ZNF638: variants seen among roughly 807,000 people sequenced by gnomAD.
The protein encoded by ZNF638 is zinc finger protein 638, also known as CTCL tumor antigen se33-1.
A neutral mutation model predicts 195.6 loss-of-function variants in ZNF638; 46 were observed. The observed-to-expected ratio is 0.24, with a 90% CI of 0.19 to 0.30. ZNF638 has a LOEUF of 0.30. Among genes scored for constraint, ZNF638 ranks in the 10% least tolerant of loss-of-function variants. The pLI is 1.00. For synonymous variants in ZNF638, 845 were observed against 772.0 expected, an observed-to-expected ratio of 1.09 and a Z score of -1.57; for missense variants, 2,440 against 2,325.3, an observed-to-expected ratio of 1.05 and a Z score of -1.01.
chr2:71,422,994 T>C lies in ZNF638; in HGVS notation c.3480T>C (p.Phe1160=), dbSNP rs1438648781. 6.2e-7 allele frequency: 1 copy of C among 1,614,008 alleles called. No individual in the cohort carries two copies. Among genetic ancestry groups the C allele is most frequent in the East Asian group, 2.2e-5 (1 of 44,880 alleles). ...EAEKATCDSD[F]AVETLELETQ... is the part of the protein sequence containing the mutation. ...AAAAAGCAACATGTGATTCTGACTT[T>C]GCTGTTGAAACTTTGGAGCTTGAAA... is the stretch of plus-strand genomic sequence containing the variant. Residue 1160 remains phenylalanine (F), a synonymous_variant, in exon 22 of 28, where the codon TTT becomes TTC. Transcript: ENST00000264447.
At chr2:71,398,272 C>G (rs2079936352) in intron 11 of ZNF638, among the ~76,000 whole-genome samples, 1 of 151,984 alleles carries the variant, frequency 6.6e-6, no homozygotes, top group African/African-American at 2.4e-5. Flanking sequence ...ACGTGAAATT[C>G]ATTTATGTTT....
intron 1 of ZNF638, among the ~76,000 whole-genome samples, chr2:71,333,762 C>T (rs1238237304): frequency 6.6e-6 from 1 of 152,114 alleles, no homozygotes; most frequent in Non-Finnish European, 1.5e-5. Context: ...GCTTTTGTTT[C>T]CTTATCTCTA....
At chr2:71,369,612 G>A (rs1040299182) in intron 7 of ZNF638, among the ~76,000 whole-genome samples, 1 of 152,086 alleles carries the variant, frequency 6.6e-6, no homozygotes, top group African/African-American at 2.4e-5. Flanking sequence ...AGTGAGCCCT[G>A]CCTTCTCATT....
intron 21 of ZNF638, among the ~76,000 whole-genome samples, chr2:71,419,958 T>TCTCC (rs2080390537): frequency 1.1e-4 from 3 of 26,574 alleles, no homozygotes; most frequent in African/African-American, 1.1e-4. Flanking sequence ...ACTTCTTAAT[T>TCTCC]CCCACCCCCC....
intron 12 of ZNF638, among the ~76,000 whole-genome samples, chr2:71,399,006 G>T (rs1211571305): frequency 6.6e-6 from 1 of 152,050 alleles, no homozygotes; most frequent in African/African-American, 2.4e-5. Context: ...TGACAGCTTT[G>T]TAATCACAGG....
rs2079517897 is a variant in ZNF638 at position 71,380,543 on chromosome 2, A to C, written c.2355A>C (p.Glu785Asp). 2.5e-6 allele frequency: 4 copies of C among 1,604,242 alleles called. No homozygotes were observed. The highest frequency in any genetic ancestry group is 3.4e-6 in the Non-Finnish European group (4 of 1,176,262). The change falls in exon 10 of 28, where the codon GAA (glutamate) becomes GAC (aspartate). Residue 785 changes from glutamate (E) to aspartate (D), a missense_variant. Around this residue, in one of 5 missense-constraint regions of ZNF638, gnomAD observed 1,883 missense variants for 1,739.1 expected, o/e 1.08. Transcript: ENST00000264447. ...KRDADASKAV[E>D]IVTSTSAAKT... ...ATGCAGATGCTTCAAAAGCTGTTGA[A>C]ATTGTTACTTCAACTTCTGCTGGTA...
chr2:71,391,607 G>A (rs2079779494), intron 10 of ZNF638, among the ~76,000 whole-genome samples: 1 of 152,156 alleles, frequency 6.6e-6, no homozygotes, highest in Non-Finnish European at 1.5e-5. Context: ...TCCTCACCTT[G>A]GAAATATCTT....
intron 11 of ZNF638, among the ~76,000 whole-genome samples, 175 bp downstream of exon 11, chr2:71,396,366 C>G (rs539782945): frequency 6.6e-6 from 1 of 152,204 alleles, no homozygotes; most frequent in African/African-American, 2.4e-5. Flanking sequence ...CTAGATAATG[C>G]TTCTATAGTA....
chr2:71,356,269 C>T (rs2079020916), intron 3 of ZNF638, among the ~76,000 whole-genome samples: 1 of 152,158 alleles, frequency 6.6e-6, no homozygotes, highest in South Asian at 2.1e-4. Context: ...TTCAATTCTT[C>T]CCCCTTTTTC....
intron 2 of ZNF638, among the ~76,000 whole-genome samples, chr2:71,353,342 C>A (rs1326547546): frequency 6.6e-6 from 1 of 152,112 alleles, no homozygotes; most frequent in African/African-American, 2.4e-5. Flanking sequence ...TGAGAAAGTA[C>A]CGACAATAAA....
At chr2:71,409,716 AACTTAATTACTAT>A (rs1262479123) in intron 20 of ZNF638, among the ~76,000 whole-genome samples, 2 of 152,176 alleles carry the variant, frequency 1.3e-5, no homozygotes, top group African/African-American at 4.8e-5. Flanking sequence ...TCATCTGTGT[AACTTAATTACTAT>A]TTGTTGAATG....
chr2:71,406,249 G>C lies in ZNF638; in HGVS notation c.3122G>C (p.Ser1041Thr). 1 of 1,611,768 alleles carries C rather than the reference G, an allele frequency of 6.2e-7. No homozygotes were observed. The highest frequency in any genetic ancestry group is 8.5e-7 in the Non-Finnish European group (1 of 1,177,978). Residue 1041 changes from serine (S) to threonine (T), a missense_variant, in exon 19 of 28, where the codon AGT becomes ACT. This residue lies in a region of ZNF638 where 1,883 missense variants were observed against 1,739.1 expected (regional missense o/e 1.08). Transcript: ENST00000264447. The stretch of plus-strand genomic sequence containing the variant: ...AAAGTGGATCACCATGTATTCATAA[G>C]TAATAGAAACAAGGTAACAAGTTCC... ...FGKVDHHVFI[S>T]NRNKAILQLD...
chr2:71,368,575 T>C (rs372024886), intron 7 of ZNF638, 47 bp downstream of exon 7: 14 of 1,594,550 alleles, frequency 8.8e-6, no homozygotes, highest in Non-Finnish European at 1.1e-5. Context: ...GTGATTGCTT[T>C]AATGATTCTA....
chr2:71,417,521 T>G (rs1255337886), intron 20 of ZNF638, among the ~76,000 whole-genome samples: 1 of 131,428 alleles, frequency 7.6e-6, no homozygotes, highest in Admixed American at 7.5e-5. Flanking sequence ...TAAAAGGCAC[T>G]TCAGTTGTCT....
At chr2:71,342,685 TG>T (rs1179713313) in intron 1 of ZNF638, among the ~76,000 whole-genome samples, 1 of 44,058 alleles carries the variant, frequency 2.3e-5, no homozygotes. Context: ...TGTGCGTGCG[TG>T]TGTGTGTGTG....
chr2:71,359,420 A>G (rs1342141522), intron 3 of ZNF638, among the ~76,000 whole-genome samples: 1 of 152,200 alleles, frequency 6.6e-6, no homozygotes, highest in African/African-American at 2.4e-5. Context: ...GGAGGGGTGG[A>G]GAGAGGGAAT....
chr2:71,385,981 T>TTCAAAATGAGGAAATCTG (rs1265797100), intron 10 of ZNF638, among the ~76,000 whole-genome samples: 2 of 152,064 alleles, frequency 1.3e-5, no homozygotes, highest in Non-Finnish European at 2.9e-5. Flanking sequence ...ATAAAGATGG[T>TTCAAAATGAGGAAATCTG]TCAAAATGAG....
intron 10 of ZNF638, among the ~76,000 whole-genome samples, chr2:71,386,583 A>C (rs555641349): frequency 6.0e-4 from 92 of 152,328 alleles, no homozygotes; most frequent in African/African-American, 2.1e-3. Context: ...CGTTATTTGC[A>C]AATATGATAG....
chr2:71,353,235 G>A (rs762551725), intron 2 of ZNF638, among the ~76,000 whole-genome samples: 2 of 152,276 alleles, frequency 1.3e-5, no homozygotes, highest in Non-Finnish European at 2.9e-5. Context: ...CTTTGAGAAC[G>A]TGAAATGTAT....
Sources: gnomAD v4.1 joint callset for allele counts (sites outside exome capture counted in the v4.1 genomes callset) on GRCh38, gnomAD v4.1.1 for gene constraint, gnomAD v4.1.1 regional missense constraint, MANE v1.5 for transcripts, NCBI Gene and HGNC (gene_info 2026-07-23, HGNC 2026-07-21) for gene names.